SPAG9: variants seen among roughly 807,000 people sequenced by gnomAD.
SPAG9 encodes the protein C-Jun-amino-terminal kinase-interacting protein 4.
A neutral mutation model predicts 166.5 loss-of-function variants in SPAG9; 35 were observed. The observed-to-expected ratio is 0.21, with a 90% CI of 0.16 to 0.28. The LOEUF is 0.28. Ranked by LOEUF, SPAG9 falls within the 10% of genes least tolerant of loss-of-function variation. The pLI, the probability that SPAG9 is intolerant of heterozygous loss-of-function variation, is 1.00. For synonymous variants in SPAG9, 534 were observed against 565.5 expected, an observed-to-expected ratio of 0.94 and a Z score of 0.79; for missense variants, 1,235 against 1,603.3, an observed-to-expected ratio of 0.77 and a Z score of 3.92.
intron 2 of SPAG9, among the ~76,000 whole-genome samples, chr17:51,068,947 AT>A (rs2047745470): frequency 6.6e-6 from 1 of 152,204 alleles, no homozygotes; most frequent in Non-Finnish European, 1.5e-5. Flanking sequence ...AGCAGAAGTA[AT>A]GTTAGTGTTT....
chr17:51,005,167 A>G, intron 12 of SPAG9, 45 bp downstream of exon 12: 1 of 1,559,778 alleles, frequency 6.4e-7, no homozygotes, highest in Middle Eastern at 1.7e-4. Context: ...CCGAAACACC[A>G]AAACATGGTA....
intron 1 of SPAG9, among the ~76,000 whole-genome samples, chr17:51,083,187 A>G (rs2048213500): frequency 6.6e-6 from 1 of 151,076 alleles, no homozygotes; most frequent in Admixed American, 6.6e-5. Context: ...ACAAAATCCA[A>G]TAAATTCCTT....
chr17:51,060,355 T>A (rs993394101), intron 2 of SPAG9, among the ~76,000 whole-genome samples: 2 of 151,638 alleles, frequency 1.3e-5, no homozygotes, highest in African/African-American at 4.8e-5. Flanking sequence ...ATACAAAAAT[T>A]AGCCAGGCGT....
At chr17:51,098,375 G>A (rs2048703122) in intron 1 of SPAG9, among the ~76,000 whole-genome samples, 1 of 151,408 alleles carries the variant, frequency 6.6e-6, no homozygotes, top group African/African-American at 2.4e-5. Flanking sequence ...AGGGAAGGGT[G>A]AGACAGTTAT....
chr17:51,038,067 A>G (rs765541086), intron 5 of SPAG9, among the ~76,000 whole-genome samples: 2 of 152,180 alleles, frequency 1.3e-5, no homozygotes, highest in Non-Finnish European at 2.9e-5. Flanking sequence ...CTAGGGCGTT[A>G]GTGAGACTAC....
chr17:51,053,849 AAAAAAGTATATATATATATATAT>A (rs2047255853), intron 3 of SPAG9, among the ~76,000 whole-genome samples: 1 of 69,734 alleles, frequency 1.4e-5, no homozygotes, highest in South Asian at 4.3e-4. Flanking sequence ...AAAAAAAAAA[AAAAAAGTATATATATATATATAT>A]ATATATATAT....
At chr17:51,007,369 C>A (rs758178281) in intron 9 of SPAG9, 43 bp from the exon 10 acceptor site, 1 of 1,086,112 alleles carries the variant, frequency 9.2e-7, no homozygotes, top group South Asian at 1.4e-5. Flanking sequence ...ATAAATGCAT[C>A]AATAATTATA....
chr17:51,057,022 T>C (rs551074467), intron 2 of SPAG9, among the ~76,000 whole-genome samples: 37 of 151,242 alleles, frequency 2.4e-4, no homozygotes, highest in Admixed American at 5.9e-4. Context: ...AAAAAAAAAG[T>C]TTTATTAATA....
At chr17:51,068,463 C>T (rs1215477001) in intron 2 of SPAG9, among the ~76,000 whole-genome samples, 1 of 152,184 alleles carries the variant, frequency 6.6e-6, no homozygotes, top group Non-Finnish European at 1.5e-5. Flanking sequence ...AGTGATCTGA[C>T]AGTTCCCTGT....
At chr17:50,995,418 C>T in intron 17 of SPAG9, 26 bp downstream of exon 17, 3 of 1,546,528 alleles carry the variant, frequency 1.9e-6, no homozygotes, top group African/African-American at 1.4e-5. Context: ...TAGAAAACAT[C>T]TCCTTTTAAT....
At chr17:50,976,013 G>C in intron 27 of SPAG9, 2 of 782,966 alleles carry the variant, frequency 2.6e-6, no homozygotes, top group South Asian at 3.0e-5. Flanking sequence ...GGTGCTCAAA[G>C]CCCCTAACGA....
chr17:51,020,111 T>C, intron 8 of SPAG9, 48 bp downstream of exon 8: 2 of 1,085,410 alleles, frequency 1.8e-6, no homozygotes, highest in South Asian at 1.3e-5. Flanking sequence ...TTTATGGGAG[T>C]TGGGGGTGGG....
At chr17:51,068,999 ATATG>A (rs1427625035) in intron 2 of SPAG9, among the ~76,000 whole-genome samples, 2 of 152,128 alleles carry the variant, frequency 1.3e-5, no homozygotes, top group Admixed American at 6.6e-5. Context: ...TTTCCCACTC[ATATG>A]TAGGCTCTAA....
At chr17:50,990,050 CAG>C (rs1423668136) in intron 20 of SPAG9, 178 bp from the exon 21 acceptor site, 39 of 628,770 alleles carry the variant, frequency 6.2e-5, no homozygotes, top group Non-Finnish European at 9.9e-5. Context: ...TTTTTTGAGA[CAG>C]AGTCTTGCTC....
chr17:51,047,608 G>A, intron 3 of SPAG9, 139 bp from the exon 4 acceptor site: 2 of 355,272 alleles, frequency 5.6e-6, no homozygotes, highest in Non-Finnish European at 1.0e-5. Context: ...GAATATTAAG[G>A]AATGAAAAAA....
chr17:51,065,162 AT>A (rs1271648982), intron 2 of SPAG9, among the ~76,000 whole-genome samples: 1 of 152,142 alleles, frequency 6.6e-6, no homozygotes, highest in East Asian at 1.9e-4. Context: ...AAAATGGTGG[AT>A]TTTATGATAT....
chr17:50,966,614 T>G (rs958729175), intron 29 of SPAG9, among the ~76,000 whole-genome samples: 2 of 152,190 alleles, frequency 1.3e-5, no homozygotes, highest in Non-Finnish European at 2.9e-5. Flanking sequence ...TCAGACTGTA[T>G]TTATAAAATC....
At chr17:51,069,293 C>T (rs1165732758) in intron 2 of SPAG9, among the ~76,000 whole-genome samples, 1 of 151,866 alleles carries the variant, frequency 6.6e-6, no homozygotes, top group Non-Finnish European at 1.5e-5. Context: ...TGACATAGAA[C>T]TAAAGTGGAA....
chr17:51,046,440 T>C, intron 4 of SPAG9: 6 of 1,244,570 alleles, frequency 4.8e-6, no homozygotes, highest in Non-Finnish European at 6.7e-6. Context: ...AGCAGACCCG[T>C]TGAGCTAAAA....
Sources: gnomAD v4.1 joint callset for allele counts (sites outside exome capture counted in the v4.1 genomes callset) on GRCh38, gnomAD v4.1.1 for gene constraint, MANE v1.5 for transcripts, NCBI Gene and HGNC (gene_info 2026-07-23, HGNC 2026-07-21) for gene names.